SLC19A1: variants seen among roughly 807,000 people sequenced by gnomAD.
The protein encoded by SLC19A1 is reduced folate transporter.
SLC19A1 carries 37 observed loss-of-function variants against 35.3 expected under a neutral mutation model. That is an observed-to-expected ratio of 1.05 (90% CI 0.81 to 1.38). The LOEUF (loss-of-function observed/expected upper bound fraction) is 1.38. Ranked by LOEUF, SLC19A1 falls within the 40% of genes most tolerant of loss-of-function variation. SLC19A1 has a pLI of 0.00. For missense variants in SLC19A1, 831 were observed against 826.9 expected (o/e 1.00, Z -0.06); for synonymous variants, 460 against 398.5 (o/e 1.15, Z -1.84).
At chr21:45,551,199 A>T (rs1398072137) in intron 1 of SLC19A1, among the ~76,000 whole-genome samples, 1 of 151,856 alleles carries the variant, frequency 6.6e-6, no homozygotes, top group Non-Finnish European at 1.5e-5. Flanking sequence ...GGTTGCAGTG[A>T]GCCGAGACAC....
At chr21:45,509,622 G>C (rs1263314280), downstream of SLC19A1, 2 of 1,339,652 alleles carry the variant, frequency 1.5e-6, no homozygotes, top group African/African-American at 2.9e-5. Flanking sequence ...CCCCAAAGTG[G>C]GCTTGGCTCC....
intron 3 of SLC19A1, among the ~76,000 whole-genome samples, chr21:45,504,840 A>G (rs2037094395): frequency 1.3e-5 from 2 of 152,044 alleles, no homozygotes; most frequent in African/African-American, 2.4e-5. Context: ...AGGTCAGATC[A>G]GGGTTTAGGC....
intron 5 of SLC19A1, among the ~76,000 whole-genome samples, chr21:45,520,797 G>T (rs1672458484): frequency 6.6e-6 from 1 of 152,008 alleles, no homozygotes; most frequent in South Asian, 2.1e-4. Context: ...GAGGCGGGTG[G>T]ATCACCTGAG....
At chr21:45,539,258 T>G (rs932004536) in intron 1 of SLC19A1, among the ~76,000 whole-genome samples, 1 of 152,216 alleles carries the variant, frequency 6.6e-6, no homozygotes, top group African/African-American at 2.4e-5. Context: ...AGCTGACCTC[T>G]GCTCCCGGAG....
chr21:45,522,457 A>G (rs9982301), intron 5 of SLC19A1, among the ~76,000 whole-genome samples: 74,920 of 152,056 alleles, frequency 0.49, 19,487 homozygotes, highest in African/African-American at 0.67. Context: ...GAAAGAAACA[A>G]GCAACTACCT....
At chr21:45,542,828 G>C (rs1196483429), upstream of SLC19A1, among the ~76,000 whole-genome samples, 2 of 126,570 alleles carry the variant, frequency 1.6e-5, no homozygotes, top group Non-Finnish European at 1.6e-5. Flanking sequence ...CCTCCTCGAC[G>C]AGGCCTTGTG....
In SLC19A1 at chr21:45,515,107, GAT is replaced by G; in HGVS notation, c.*549_*550del. ...GACAATGTGTCTGCCGCCAACCTGA[GAT>G]GGCTTTTCCACAGAGACAGAGAAGC... On this transcript the variant is annotated 3_prime_UTR_variant, in exon 6 of 6. Transcript: ENST00000311124. The G allele has an allele frequency of 1.9e-6, 3 of 1,543,900 alleles. No individual in the cohort carries two copies. The South Asian group carries it at 3.6e-5, about 19-fold the overall frequency.
intron 5 of SLC19A1, among the ~76,000 whole-genome samples, chr21:45,525,014 G>A (rs2077560080): frequency 6.6e-6 from 1 of 152,212 alleles, no homozygotes; most frequent in Admixed American, 6.5e-5. Context: ...GCATTTCGAT[G>A]AGTGAGCAAC....
chr21:45,503,674 A>T (rs965792907), intron 3 of SLC19A1, among the ~76,000 whole-genome samples: 1 of 150,534 alleles, frequency 6.6e-6, no homozygotes, highest in African/African-American at 2.4e-5. Context: ...ATTGGGAGAT[A>T]TACCTAATGC....
intron 3 of SLC19A1, among the ~76,000 whole-genome samples, chr21:45,503,224 C>A (rs561464619): frequency 6.6e-6 from 1 of 152,178 alleles, no homozygotes; most frequent in Non-Finnish European, 1.5e-5. Flanking sequence ...ACATCCTCTC[C>A]GGCACCTGTT....
At chr21:45,537,073 AG>A (rs1378495972) in intron 2 of SLC19A1, among the ~76,000 whole-genome samples, 1 of 152,150 alleles carries the variant, frequency 6.6e-6, no homozygotes, top group Non-Finnish European at 1.5e-5. Flanking sequence ...TAATCTCTTT[AG>A]GTAAATAGCC....
chr21:45,508,930 G>A (rs796479815), downstream of SLC19A1, among the ~76,000 whole-genome samples: 8 of 152,134 alleles, frequency 5.3e-5, no homozygotes, highest in Non-Finnish European at 8.8e-5. Flanking sequence ...AGGGGCATCC[G>A]GACTGGGGTG....
At position 45,514,936 on chromosome 21, in the gene SLC19A1, C is replaced by A; in HGVS notation, c.*722G>T. ...CGCGGTGACCGGGACCAGTCCCCTC[C>A]GGGCTGGCACAAGTGTGGGAGCAGC... On this transcript the variant is annotated 3_prime_UTR_variant, in exon 6 of 6. Transcript: ENST00000311124. 7.0e-7 allele frequency: 1 copy of A among 1,419,840 alleles called. No homozygotes were observed. Among genetic ancestry groups the A allele is most frequent in the Non-Finnish European group, 9.3e-7 (1 of 1,072,508 alleles). The allele number at this position is 1,419,840 out of a possible 1,614,324, so 88.0% of individuals were successfully genotyped here.
At chr21:45,523,704 G>T (rs2077507105) in intron 5 of SLC19A1, among the ~76,000 whole-genome samples, 1 of 152,214 alleles carries the variant, frequency 6.6e-6, no homozygotes, top group Admixed American at 6.5e-5. Flanking sequence ...GTAGTCAGGG[G>T]CAGTCAGCAC....
Position 45,512,628 on chromosome 21 carries a change from C to A in SLC19A1, c.*3030G>T. On this transcript the variant is annotated 3_prime_UTR_variant, in exon 6 of 6. Coordinates refer to ENST00000311124, the MANE Select transcript of SLC19A1 (RefSeq NM_194255.4). ...GACATTCACCTGCCCCAACTCTCCC[C>A]TGACCTGTGAGCCCAGCTGGGTCAG... 1.7e-6 allele frequency: 1 copy of A among 589,470 alleles called. No homozygotes were observed. The highest frequency in any genetic ancestry group is 2.9e-5 in the Admixed American group (1 of 33,946). The allele number at this position is 589,470 out of a possible 1,614,324, so 36.5% of individuals were successfully genotyped here.
intron 1 of SLC19A1, among the ~76,000 whole-genome samples, chr21:45,559,281 T>C (rs2078592793): frequency 6.6e-6 from 1 of 152,162 alleles, no homozygotes. Context: ...CATCGCAACG[T>C]TGAGGCCGGG....
chr21:45,541,366 T>C (rs2078297266), intron 1 of SLC19A1, among the ~76,000 whole-genome samples: 1 of 152,260 alleles, frequency 6.6e-6, no homozygotes, highest in African/African-American at 2.4e-5. Flanking sequence ...TGATTGAATC[T>C]GGGCTGTGCG....
At position 45,515,598 on chromosome 21, in the gene SLC19A1, C is replaced by G; in HGVS notation, c.*60G>C. On this transcript the variant is annotated 3_prime_UTR_variant, in exon 6 of 6. Coordinates refer to ENST00000311124, the MANE Select transcript of SLC19A1 (RefSeq NM_194255.4). ...TTGCTAAGGCAGGCGGCCCTCGAGGCAGGGGTCGTGGGGATGCACTGAGGG... is the reference window on the plus strand; with the variant it reads ...TTGCTAAGGCAGGCGGCCCTCGAGGGAGGGGTCGTGGGGATGCACTGAGGG... 6.2e-7 allele frequency: 1 copy of G among 1,604,056 alleles called. No individual in the cohort carries two copies. The highest frequency in any genetic ancestry group is 8.5e-7 in the Non-Finnish European group (1 of 1,177,996).
At chr21:45,561,903 C>T (rs1385145446) in intron 1 of SLC19A1, among the ~76,000 whole-genome samples, 2 of 151,918 alleles carry the variant, frequency 1.3e-5, no homozygotes, top group Admixed American at 6.5e-5. Flanking sequence ...GAGGCCAAGG[C>T]GGGCAGACCA....
Sources: gnomAD v4.1 joint callset for allele counts (sites outside exome capture counted in the v4.1 genomes callset) on GRCh38, gnomAD v4.1.1 for gene constraint, MANE v1.5 for transcripts, NCBI Gene and HGNC (gene_info 2026-07-23, HGNC 2026-07-21) for gene names.